PRKCE: variants seen among roughly 807,000 people sequenced by gnomAD.
PRKCE encodes the protein protein kinase C epsilon.
Under a neutral mutation model 85.4 loss-of-function variants are expected in PRKCE, and 16 were observed. The observed-to-expected ratio is 0.19, with a 90% CI of 0.13 to 0.28. The LOEUF (loss-of-function observed/expected upper bound fraction) is 0.28. Ranked by LOEUF, PRKCE falls within the 10% of genes least tolerant of loss-of-function variation. PRKCE has a pLI of 1.00. For missense variants in PRKCE, 573 were observed against 975.2 expected (o/e 0.59, Z 5.49); for synonymous variants, 388 against 371.5 (o/e 1.04, Z -0.51).
At chr2:46,000,444 C>G (rs1452323299) in intron 6 of PRKCE, among the ~76,000 whole-genome samples, 2 of 116,700 alleles carry the variant, frequency 1.7e-5, no homozygotes, top group Non-Finnish European at 3.5e-5. Context: ...TCTGATAAAA[C>G]CTCAATCTCT....
chr2:45,732,844 T>A (rs1227221524), intron 1 of PRKCE, among the ~76,000 whole-genome samples: 1 of 152,240 alleles, frequency 6.6e-6, no homozygotes, highest in Non-Finnish European at 1.5e-5. Flanking sequence ...TTCTGAGTTC[T>A]CCTAAAGATG....
chr2:46,058,612 G>A (rs922458015), intron 10 of PRKCE, among the ~76,000 whole-genome samples: 4 of 152,072 alleles, frequency 2.6e-5, no homozygotes, highest in Non-Finnish European at 4.4e-5. Flanking sequence ...GCGGAGTGTC[G>A]GACTACTCAC....
chr2:46,176,610 A>AGC (rs1679455883), intron 14 of PRKCE, among the ~76,000 whole-genome samples: 1 of 152,220 alleles, frequency 6.6e-6, no homozygotes, highest in African/African-American at 2.4e-5. Context: ...CTTCATTTCC[A>AGC]GCAGAGAAAT....
chr2:45,994,204 C>T (rs1704040642), intron 6 of PRKCE, among the ~76,000 whole-genome samples: 2 of 152,158 alleles, frequency 1.3e-5, no homozygotes, highest in Non-Finnish European at 2.9e-5. Flanking sequence ...AACCTTCTGC[C>T]TCCACACATG....
intron 10 of PRKCE, among the ~76,000 whole-genome samples, chr2:46,015,691 C>CAAAAAAAAA (rs749060776): frequency 1.5e-4 from 12 of 80,780 alleles, no homozygotes; most frequent in Admixed American, 2.9e-4. Context: ...AACACTAAAC[C>CAAAAAAAAA]AAAAAAAAAA....
At chr2:45,849,394 C>G (rs557506573) in intron 2 of PRKCE, among the ~76,000 whole-genome samples, 4 of 152,238 alleles carry the variant, frequency 2.6e-5, no homozygotes, top group African/African-American at 9.6e-5. Context: ...TCATAGAGTC[C>G]CATAGCAATC....
intron 1 of PRKCE, among the ~76,000 whole-genome samples, chr2:45,772,512 T>C (rs971941174): frequency 1.3e-5 from 2 of 152,210 alleles, no homozygotes; most frequent in Non-Finnish European, 2.9e-5. Flanking sequence ...ATGATATTCA[T>C]TGATCACTTT....
chr2:45,939,274 C>G (rs1304520829), intron 2 of PRKCE, among the ~76,000 whole-genome samples: 1 of 152,170 alleles, frequency 6.6e-6, no homozygotes, highest in Non-Finnish European at 1.5e-5. Context: ...TTTGGTAGCA[C>G]CCCAATAGTG....
intron 1 of PRKCE, among the ~76,000 whole-genome samples, chr2:45,708,934 C>T (rs764956406): frequency 3.9e-5 from 6 of 152,142 alleles, no homozygotes; most frequent in Non-Finnish European, 7.3e-5. Context: ...GAGAGCCACT[C>T]CTGTGTGGAT....
At position 45,885,001 on chromosome 2, in the gene PRKCE, A is replaced by ATTTTTTTTTTT. The variant is rs55883420; in HGVS notation, c.412+41941_412+41942insTTTTTTTTTTT. ...TATATATATATATATATATATATAT[A>ATTTTTTTTTTT]TTTGTTGTTGTTGTTGTTGTTTTAC... On this transcript the variant is annotated intron_variant, in intron 2 of 14. Transcript: ENST00000306156. Among the ~76,000 whole-genome samples the ATTTTTTTTTTT allele has an allele frequency of 8.0e-4, 57 of 71,526 alleles. 2 individuals are homozygous for ATTTTTTTTTTT. Among genetic ancestry groups the ATTTTTTTTTTT allele is most frequent in the East Asian group, 3.5e-3 (7 of 1,976 alleles). The allele number at this position is 71,526 out of a possible 152,430, so 46.9% of individuals were successfully genotyped here.
intron 2 of PRKCE, among the ~76,000 whole-genome samples, chr2:45,868,672 C>T (rs1693824227): frequency 6.7e-6 from 1 of 150,018 alleles, no homozygotes; most frequent in Non-Finnish European, 1.5e-5. Context: ...GTGGCTCATG[C>T]CTGTAATTCC....
chr2:45,926,361 G>A (rs879549309), intron 2 of PRKCE, among the ~76,000 whole-genome samples: 1 of 152,190 alleles, frequency 6.6e-6, no homozygotes, highest in Admixed American at 6.5e-5. Context: ...TTCACAAGTA[G>A]GTTTCCATTA....
intron 1 of PRKCE, among the ~76,000 whole-genome samples, chr2:45,789,179 T>A (rs1453214023): frequency 6.6e-6 from 1 of 152,070 alleles, no homozygotes; most frequent in Non-Finnish European, 1.5e-5. Flanking sequence ...GCAGGAGGAT[T>A]GCTTGAGGAC....
intron 10 of PRKCE, among the ~76,000 whole-genome samples, chr2:46,024,462 A>C (rs886396688): frequency 2.0e-5 from 3 of 152,158 alleles, no homozygotes; most frequent in Non-Finnish European, 4.4e-5. Flanking sequence ...GTGTGGCAGG[A>C]GGTACAAATT....
chr2:46,172,687 G>A (rs1270130276), intron 14 of PRKCE, among the ~76,000 whole-genome samples: 7 of 152,198 alleles, frequency 4.6e-5, no homozygotes, highest in Admixed American at 2.6e-4. Flanking sequence ...GTCTACATCC[G>A]GGGGAGTGTT....
intron 1 of PRKCE, among the ~76,000 whole-genome samples, chr2:45,740,216 C>T (rs1682440957): frequency 1.3e-5 from 2 of 151,910 alleles, no homozygotes; most frequent in African/African-American, 4.8e-5. Flanking sequence ...AACCAGTGGC[C>T]CTTATGCTGC....
chr2:46,077,237 G>A (rs1279640208), intron 10 of PRKCE, among the ~76,000 whole-genome samples: 1 of 151,998 alleles, frequency 6.6e-6, no homozygotes, highest in Non-Finnish European at 1.5e-5. Context: ...AGAATGGACA[G>A]GAACTTTGGG....
chr2:45,960,135 A>AG (rs1165007140), intron 2 of PRKCE, among the ~76,000 whole-genome samples: 1 of 152,186 alleles, frequency 6.6e-6, no homozygotes, highest in Non-Finnish European at 1.5e-5. Flanking sequence ...TCTGGGATAA[A>AG]GGGGGGAAAA....
chr2:45,760,756 G>A (rs1378258748), intron 1 of PRKCE, among the ~76,000 whole-genome samples: 4 of 152,150 alleles, frequency 2.6e-5, no homozygotes, highest in African/African-American at 4.8e-5. Flanking sequence ...GATTATACCC[G>A]GTGAAAGGAT....
Sources: gnomAD v4.1 joint callset for allele counts (sites outside exome capture counted in the v4.1 genomes callset) on GRCh38, gnomAD v4.1.1 for gene constraint, MANE v1.5 for transcripts, NCBI Gene and HGNC (gene_info 2026-07-23, HGNC 2026-07-21) for gene names.